ADD3: variants seen among roughly 807,000 people sequenced by gnomAD.
The protein encoded by ADD3 is adducin 3.
Under a neutral mutation model 80.2 loss-of-function variants are expected in ADD3, and 25 were observed. The observed-to-expected ratio is 0.31, with a 90% CI of 0.23 to 0.44. The LOEUF is 0.44. Among genes scored for constraint, ADD3 ranks in the 20% least tolerant of loss-of-function variants. The probability of loss-of-function intolerance (pLI) is 1.00; values close to 1 mark genes in which losing one functional copy is unlikely to be tolerated. For missense variants in ADD3, 829 were observed against 847.5 expected (o/e 0.98, Z 0.27); for synonymous variants, 284 against 289.6 (o/e 0.98, Z 0.20).
intron 1 of ADD3, among the ~76,000 whole-genome samples, chr10:110,095,698 G>A (rs1265529730): frequency 6.6e-6 from 1 of 152,136 alleles, no homozygotes; most frequent in Admixed American, 6.5e-5. Flanking sequence ...AGTCAAAGAC[G>A]AGAAATAACC....
At chr10:110,083,567 G>C (rs1478329831) in intron 1 of ADD3, among the ~76,000 whole-genome samples, 1 of 152,116 alleles carries the variant, frequency 6.6e-6, no homozygotes, top group Non-Finnish European at 1.5e-5. Context: ...GCAACAATCG[G>C]GGATGGCTTT....
chr10:110,074,377 G>C (rs969856892), intron 1 of ADD3, among the ~76,000 whole-genome samples: 7 of 152,284 alleles, frequency 4.6e-5, no homozygotes, highest in African/African-American at 1.7e-4. Context: ...ATTTGGAGTA[G>C]ACAGTTTGTC....
intron 4 of ADD3, among the ~76,000 whole-genome samples, chr10:110,116,885 A>G (rs1479234208): frequency 6.6e-6 from 1 of 152,338 alleles, no homozygotes; most frequent in Non-Finnish European, 1.5e-5. Context: ...ATATTGTACA[A>G]TGGAAATGGT....
intron 1 of ADD3, among the ~76,000 whole-genome samples, chr10:110,032,296 T>G (rs1397976676): frequency 1.3e-5 from 2 of 152,200 alleles, no homozygotes; most frequent in East Asian, 3.8e-4. Context: ...GTCCATGTGT[T>G]GGCATGCTAG....
Position 110,132,333 on chromosome 10 carries a change from C to G in ADD3, c.1761C>G (p.Asp587Glu). ...CTGAGCAGGAATTACTCTCAGATGA[C>G]GCTTCATCTGTTTCACAAATTCAGT... is the stretch of plus-strand genomic sequence containing the variant. ...EDAEQELLSD[D>E]ASSVSQIQSQ... Residue 587 changes from aspartate to glutamate, a missense_variant, in exon 14 of 15, where the codon GAC becomes GAG. Physicochemically the swap from Asp to Glu is conservative, Grantham distance 45 (BLOSUM62 2). Transcript: ENST00000356080. 1 of 1,613,486 alleles carries G rather than the reference C, an allele frequency of 6.2e-7. No homozygotes were observed. Among genetic ancestry groups the G allele is most frequent in the South Asian group, 1.1e-5 (1 of 91,054 alleles).
upstream of ADD3, among the ~76,000 whole-genome samples, chr10:110,002,907 C>A (rs561790386): frequency 3.4e-4 from 51 of 152,228 alleles, no homozygotes; most frequent in African/African-American, 1.2e-3. Flanking sequence ...TTGACGAATC[C>A]TTGAGTATTG....
intron 1 of ADD3, among the ~76,000 whole-genome samples, chr10:110,037,192 G>A (rs1417968179): frequency 2.0e-5 from 3 of 152,212 alleles, no homozygotes; most frequent in South Asian, 2.1e-4. Context: ...TTTACAGCCA[G>A]TTAAACACAC....
At chr10:110,031,454 T>C (rs1287849489) in intron 1 of ADD3, among the ~76,000 whole-genome samples, 1 of 152,218 alleles carries the variant, frequency 6.6e-6, no homozygotes, top group Non-Finnish European at 1.5e-5. Flanking sequence ...TCTGGGTAAG[T>C]GGCAACTAGT....
At chr10:110,010,596 A>C (rs987845186) in intron 1 of ADD3, among the ~76,000 whole-genome samples, 1 of 152,218 alleles carries the variant, frequency 6.6e-6, no homozygotes, top group African/African-American at 2.4e-5. Context: ...CCAGCATGTG[A>C]AGACTCAGCA....
intron 1 of ADD3, among the ~76,000 whole-genome samples, chr10:110,063,736 ATTATAT>A (rs1344704769): frequency 4.4e-4 from 20 of 45,814 alleles, no homozygotes; most frequent in African/African-American, 1.6e-3. Context: ...ATATATATTC[ATTATAT>A]ATATATATAT....
chr10:110,096,466 CAG>C (rs1848168611), intron 1 of ADD3, among the ~76,000 whole-genome samples: 2 of 151,980 alleles, frequency 1.3e-5, no homozygotes, highest in Admixed American at 1.3e-4. Context: ...GTGTGAAAAA[CAG>C]AAACAACAAC....
upstream of ADD3, among the ~76,000 whole-genome samples, chr10:110,002,304 C>T (rs1322369772): frequency 2.0e-5 from 3 of 151,880 alleles, no homozygotes; most frequent in African/African-American, 4.8e-5. Context: ...GACGGAGTCT[C>T]GCTCTGTCAC....
chr10:110,134,936 T>G lies in ADD3; in HGVS notation c.*1318T>G, dbSNP rs1853485920. 6.6e-6 allele frequency: 1 copy of G among 152,456 alleles called. No individual in the cohort carries two copies. The highest frequency in any genetic ancestry group is 1.5e-5 in the Non-Finnish European group (1 of 68,032). 9.4% of individuals were successfully genotyped at this position (152,456 alleles called of 1,614,324 possible). ...AAAATCTTTTCAGTGACCTTTCTTT[T>G]TAATGTAAATACAAATTTAAACCTA... On this transcript the variant is annotated 3_prime_UTR_variant, in exon 15 of 15. Transcript: ENST00000356080.
intron 1 of ADD3, among the ~76,000 whole-genome samples, chr10:110,080,117 G>A (rs918671230): frequency 1.3e-5 from 2 of 152,226 alleles, no homozygotes; most frequent in African/African-American, 4.8e-5. Context: ...AAACTAGGCC[G>A]CACTATCCCA....
intron 1 of ADD3, among the ~76,000 whole-genome samples, chr10:110,030,298 G>A (rs527803315): frequency 1.3e-5 from 2 of 149,668 alleles, no homozygotes; most frequent in East Asian, 1.9e-4. Context: ...ACTCCAGCCT[G>A]GGCAATAAGA....
chr10:110,026,159 T>C (rs1334674519), intron 1 of ADD3, among the ~76,000 whole-genome samples: 1 of 152,162 alleles, frequency 6.6e-6, no homozygotes, highest in Non-Finnish European at 1.5e-5. Context: ...TGCCTTGACA[T>C]TCCTTTTTCT....
At chr10:110,133,175 C>G (rs1275268324) in intron 14 of ADD3, 151 bp from the exon 15 acceptor site, 2 of 743,444 alleles carry the variant, frequency 2.7e-6, no homozygotes, top group African/African-American at 3.7e-5. Context: ...TAGCTTCTTG[C>G]TAATAGATCA....
chr10:110,132,820 G>A (rs1011546052), intron 14 of ADD3: 10 of 160,208 alleles, frequency 6.2e-5, no homozygotes, highest in Admixed American at 1.8e-4. Flanking sequence ...CCAGCTACTC[G>A]GGAGGCTGAG....
intron 1 of ADD3, among the ~76,000 whole-genome samples, chr10:110,017,803 T>C (rs1411144237): frequency 6.6e-6 from 1 of 152,224 alleles, no homozygotes; most frequent in Non-Finnish European, 1.5e-5. Flanking sequence ...TGAATCCATG[T>C]ATTTTTTAAA....
Sources: gnomAD v4.1 joint callset for allele counts (sites outside exome capture counted in the v4.1 genomes callset) on GRCh38, gnomAD v4.1.1 for gene constraint, MANE v1.5 for transcripts, NCBI Gene and HGNC (gene_info 2026-07-23, HGNC 2026-07-21) for gene names.